Variants in FILIP1L observed in about 807,000 individuals in gnomAD.
FILIP1L encodes filamin A interacting protein 1 like, also known as filamin A-interacting protein 1-like.
In FILIP1L, 55 loss-of-function variants were observed where a neutral mutation model predicts 96.6. That is an observed-to-expected ratio of 0.57 (90% CI 0.46 to 0.71). The LOEUF is 0.71. FILIP1L is among the 30% of genes least tolerant of loss of function. FILIP1L has a pLI of 0.00. For synonymous variants in FILIP1L, 467 were observed against 473.9 expected, an observed-to-expected ratio of 0.99 and a Z score of 0.19; for missense variants, 1,304 against 1,321.2, an observed-to-expected ratio of 0.99 and a Z score of 0.20.
chr3:99,983,458 A>G (rs1286077779), intron 1 of FILIP1L, among the ~76,000 whole-genome samples: 11 of 16,244 alleles, frequency 6.8e-4, no homozygotes, highest in African/African-American at 2.3e-3. Context: ...ATATATATAT[A>G]TGTGTGTATA....
chr3:100,004,488 G>A (rs796171896), intron 1 of FILIP1L, among the ~76,000 whole-genome samples: 2 of 152,284 alleles, frequency 1.3e-5, no homozygotes, highest in African/African-American at 2.4e-5. Flanking sequence ...CCATCAGAGT[G>A]GTGGAGAAAA....
chr3:99,849,322 A>G lies in FILIP1L; in HGVS notation c.2354T>C (p.Leu785Pro), dbSNP rs1415440958. The G allele has an allele frequency of 6.2e-7, 1 of 1,614,110 alleles. No homozygotes were observed. Among genetic ancestry groups the G allele is most frequent in the Non-Finnish European group, 8.5e-7 (1 of 1,180,002 alleles). The change falls in exon 5 of 6, where the codon CTC (leucine) becomes CCC (proline). Residue 785 changes from leucine to proline, a missense_variant. Coordinates refer to ENST00000477258, the MANE Select transcript of FILIP1L (RefSeq NM_001387850.1). ...RHFSKSLRPS[L>P]NGRRISDPQV... Reference sequence around the variant, plus strand: ...AGGATCGGAAATTCTTCTTCCATTGAGACTAGGCCTGAGGCTCTTACTGAA... The same window carrying G: ...AGGATCGGAAATTCTTCTTCCATTGGGACTAGGCCTGAGGCTCTTACTGAA...
intron 3 of FILIP1L, among the ~76,000 whole-genome samples, chr3:99,927,066 A>T (rs1463214467): frequency 1.3e-5 from 2 of 151,966 alleles, no homozygotes; most frequent in African/African-American, 2.4e-5. Flanking sequence ...CTTCCCACCG[A>T]TCCTACCCAA....
Position 99,914,920 on chromosome 3 carries a change from G to A in FILIP1L, c.605+9310C>T, listed in dbSNP as rs576000487. ...AGAGTAGTTGGTGATTTGGGAAAAT[G>A]GTCATGATGTTTTTGTTAGTGAAAA... is the stretch of plus-strand genomic sequence containing the variant. On this transcript the variant is annotated intron_variant, in intron 4 of 5. Coordinates refer to ENST00000477258, the MANE Select transcript of FILIP1L (RefSeq NM_001387850.1). 2.0e-5 allele frequency among the ~76,000 whole-genome samples: 3 copies of A among 152,282 alleles called. No individual in the cohort carries two copies. The South Asian group carries it at 6.2e-4, about 32-fold the overall frequency.
At chr3:99,996,749 G>T (rs1044292116) in intron 1 of FILIP1L, among the ~76,000 whole-genome samples, 4 of 151,944 alleles carry the variant, frequency 2.6e-5, no homozygotes, top group Non-Finnish European at 5.9e-5. Flanking sequence ...ATCAGATCTC[G>T]TGAGACTTAC....
rs942233659 is a variant in FILIP1L at position 99,967,424 on chromosome 3, T to C, written c.-10-36394A>G. Among the ~76,000 whole-genome samples, 41 of 152,328 alleles carry C rather than the reference T, an allele frequency of 2.7e-4. 1 individual carries two copies. Among genetic ancestry groups the C allele is most frequent in the Admixed American group, 2.4e-3 (36 of 15,308 alleles). On this transcript the variant is annotated intron_variant, in intron 1 of 5. Coordinates refer to ENST00000477258, the MANE Select transcript of FILIP1L (RefSeq NM_001387850.1). ...AGTGTTCACTTTTTGGAAATGAACT[T>C]AGGCCATAAGAGCCTGAATTTAATG...
chr3:99,850,569 C>A lies in FILIP1L; in HGVS notation c.1107G>T (p.Met369Ile). ...SKGEYGNAGIMAEVEELRKRV... is the reference protein window; with the variant it reads ...SKGEYGNAGIIAEVEELRKRV... ...GTTTCCTGAGCTCTTCCACTTCAGC[C>A]ATGATACCAGCGTTTCCATATTCTC... The change falls in exon 5 of 6, where the codon ATG (methionine) becomes ATT (isoleucine). Residue 369 changes from methionine (M) to isoleucine (I), a missense_variant. Met to Ile is a conservative substitution (Grantham distance 10). Coordinates refer to ENST00000477258, the MANE Select transcript of FILIP1L (RefSeq NM_001387850.1). 6.2e-7 allele frequency: 1 copy of A among 1,613,870 alleles called. No individual in the cohort carries two copies.
chr3:99,989,988 T>A (rs1270774896), intron 1 of FILIP1L, among the ~76,000 whole-genome samples: 1 of 152,126 alleles, frequency 6.6e-6, no homozygotes, highest in Non-Finnish European at 1.5e-5. Context: ...ATAATGCCAG[T>A]GGTTTATTTC....
chr3:100,066,657 A>G (rs2065670205), intron 1 of FILIP1L, among the ~76,000 whole-genome samples: 1 of 126,408 alleles, frequency 7.9e-6, no homozygotes, highest in Non-Finnish European at 1.7e-5. Context: ...TCAGCCTCCC[A>G]AGTAGCTGGG....
chr3:99,850,431 T>A lies in FILIP1L; in HGVS notation c.1245A>T (p.Leu415=), dbSNP rs1468194561. The A allele has an allele frequency of 6.2e-7, 1 of 1,614,092 alleles. No homozygotes were observed. Among genetic ancestry groups the A allele is most frequent in the Admixed American group, 1.7e-5 (1 of 60,020 alleles). ...TTCTTTTACTGAGTTTTTCAACCTCTAGTTTAAAGTCTTTACTCTGTAACG... is the reference window on the plus strand; with the variant it reads ...TTCTTTTACTGAGTTTTTCAACCTCAAGTTTAAAGTCTTTACTCTGTAACG... ...RETLQSKDFK[L]EVEKLSKRIM... is the part of the protein sequence containing the mutation. The change falls in exon 5 of 6, where the codon CTA becomes CTT. Residue 415 remains leucine, a synonymous_variant. Coordinates refer to ENST00000477258, the MANE Select transcript of FILIP1L (RefSeq NM_001387850.1).
At chr3:99,971,972 C>G (rs1243273678) in intron 1 of FILIP1L, among the ~76,000 whole-genome samples, 2 of 152,110 alleles carry the variant, frequency 1.3e-5, no homozygotes. Context: ...ATGGATTAGT[C>G]ATAAAATTAG....
Position 99,930,014 on chromosome 3 carries a change from T to C in FILIP1L, c.268A>G (p.Ile90Val). 1 of 1,611,134 alleles carries C rather than the reference T, an allele frequency of 6.2e-7. No homozygotes were observed. ...EGELQARDEV[I>V]GILKAEKMDL... ...ATTTTTTCAGCCTTTAAAATGCCTA[T>C]GACCTCATCTCGAGCCTGTAGGAAC... The change falls in exon 3 of 6, where the codon ATA (isoleucine) becomes GTA (valine). Residue 90 changes from isoleucine (I) to valine (V), a missense_variant. Ile to Val is a conservative substitution (Grantham distance 29, BLOSUM62 3). Coordinates refer to ENST00000477258, the MANE Select transcript of FILIP1L (RefSeq NM_001387850.1).
At chr3:99,985,594 C>CTT (rs759661932) in intron 1 of FILIP1L, among the ~76,000 whole-genome samples, 23 of 145,710 alleles carry the variant, frequency 1.6e-4, no homozygotes, top group Admixed American at 3.4e-4. Flanking sequence ...ATGAGAAAAG[C>CTT]TTTTTTTTTT....
intron 5 of FILIP1L, among the ~76,000 whole-genome samples, chr3:99,838,288 A>G (rs1182007072): frequency 6.6e-6 from 1 of 152,176 alleles, no homozygotes; most frequent in Non-Finnish European, 1.5e-5. Context: ...GGCTTCTCAC[A>G]TTCATTATCT....
At chr3:100,002,892 T>C (rs1208479604) in intron 1 of FILIP1L, among the ~76,000 whole-genome samples, 1 of 152,172 alleles carries the variant, frequency 6.6e-6, no homozygotes, top group Non-Finnish European at 1.5e-5. Context: ...CCTTCTCTGA[T>C]GAGTATGTGT....
rs576035056 is a variant in FILIP1L, at chr3:100,026,392, G to C, written c.-11+87661C>G. On this transcript the variant is annotated intron_variant, in intron 1 of 5. Coordinates refer to ENST00000477258, the MANE Select transcript of FILIP1L (RefSeq NM_001387850.1). ...ATTCAGAAGGCCAGACATAAAACAA[G>C]GAGCAAGGTCGATAGTGAACCAAAG... Among the ~76,000 whole-genome samples, 15 of 152,046 alleles carry C rather than the reference G, an allele frequency of 9.9e-5. No individual in the cohort carries two copies. In the South Asian group the frequency reaches 3.1e-3, roughly 32 times the overall value.
chr3:99,953,767 C>G lies in FILIP1L; in HGVS notation c.-10-22737G>C, dbSNP rs145781776. Among the ~76,000 whole-genome samples the G allele has an allele frequency of 7.4e-4, 113 of 152,296 alleles. 1 individual carries two copies. The East Asian group carries it at 0.02, about 27-fold the overall frequency. ...TTCCTAGAAACTCAGTCTATACTGACAGAGAACTGCCCAAACAGTCCACAT... is the reference window on the plus strand; with the variant it reads ...TTCCTAGAAACTCAGTCTATACTGAGAGAGAACTGCCCAAACAGTCCACAT... On this transcript the variant is annotated intron_variant, in intron 1 of 5. Coordinates refer to ENST00000477258, the MANE Select transcript of FILIP1L (RefSeq NM_001387850.1).
At chr3:100,061,135 A>C (rs1397191501) in intron 1 of FILIP1L, among the ~76,000 whole-genome samples, 1 of 152,172 alleles carries the variant, frequency 6.6e-6, no homozygotes, top group East Asian at 1.9e-4. Context: ...GCACTGTTAA[A>C]ATTTAAAAAA....
chr3:99,968,264 G>A (rs1472113497), intron 1 of FILIP1L, among the ~76,000 whole-genome samples: 1 of 151,912 alleles, frequency 6.6e-6, no homozygotes, highest in African/African-American at 2.4e-5. Flanking sequence ...AACCTTCTTT[G>A]AACAAAAAAA....
Sources: gnomAD v4.1 joint callset for allele counts (sites outside exome capture counted in the v4.1 genomes callset) on GRCh38, gnomAD v4.1.1 for gene constraint, MANE v1.5 for transcripts, NCBI Gene and HGNC (gene_info 2026-07-23, HGNC 2026-07-21) for gene names.